The following CDH18 variants were observed in gnomAD, a reference collection of about 807,000 sequenced individuals.
CDH18 encodes cadherin 18.
A neutral mutation model predicts 67.9 loss-of-function variants in CDH18; 31 were observed. The observed-to-expected ratio is 0.46, with a 90% CI of 0.34 to 0.62. CDH18 has a LOEUF of 0.62. CDH18 is among the 20% of genes least tolerant of loss of function. The pLI, the probability that CDH18 is intolerant of heterozygous loss-of-function variation, is 0.01. For synonymous variants in CDH18, 362 were observed against 347.2 expected, an observed-to-expected ratio of 1.04 and a Z score of -0.48; for missense variants, 890 against 975.5, an observed-to-expected ratio of 0.91 and a Z score of 1.17.
intron 11 of CDH18, among the ~76,000 whole-genome samples, chr5:19,496,489 A>G (rs1425377524): frequency 3.3e-5 from 5 of 152,162 alleles, no homozygotes; most frequent in Admixed American, 3.3e-4. Context: ...TGAGAGCTCC[A>G]GTCCCATGAA....
intron 7 of CDH18, among the ~76,000 whole-genome samples, chr5:19,575,826 T>C (rs1444709603): frequency 6.6e-6 from 1 of 152,098 alleles, no homozygotes; most frequent in African/African-American, 2.4e-5. Context: ...ATTCCTCACT[T>C]TTTTCAGTTT....
At chr5:19,810,834 C>A (rs1778557958) in intron 3 of CDH18, among the ~76,000 whole-genome samples, 1 of 151,716 alleles carries the variant, frequency 6.6e-6, no homozygotes, top group African/African-American at 2.4e-5. Flanking sequence ...ACTAGCCTGG[C>A]CAAACTGGTG....
intron 2 of CDH18, among the ~76,000 whole-genome samples, chr5:20,053,263 A>AC (rs1741597298): frequency 6.6e-6 from 1 of 151,168 alleles, no homozygotes; most frequent in African/African-American, 2.4e-5. Flanking sequence ...GTCCATATAT[A>AC]CATATAGTAT....
At chr5:19,500,216 T>C (rs549559859) in intron 11 of CDH18, among the ~76,000 whole-genome samples, 11 of 152,250 alleles carry the variant, frequency 7.2e-5, no homozygotes, top group South Asian at 2.1e-4. Flanking sequence ...CCAGAGTACA[T>C]GAATAAATAT....
chr5:19,571,829 G>T lies in CDH18; in HGVS notation c.1003C>A (p.Leu335Met). 6.2e-7 allele frequency: 1 copy of T among 1,606,176 alleles called. No individual in the cohort carries two copies. Among genetic ancestry groups the T allele is most frequent in the South Asian group, 1.1e-5 (1 of 90,260 alleles). The change falls in exon 8 of 13, where the codon CTG (leucine) becomes ATG (methionine). Residue 335 changes from leucine to methionine, a missense_variant. Around this residue, in one of 2 missense-constraint regions of CDH18, gnomAD observed 656 missense variants for 668.1 expected, o/e 0.98. Coordinates refer to ENST00000382275, the MANE Select transcript of CDH18 (RefSeq NM_004934.5). ...TATGACTTCTTTTTCTCATAGTTCA[G>T]TGGCTGTGGGGAAAAAAAATAAGAT... ...REGILSLKKP[L>M]NYEKKKSYTL...
chr5:20,309,438 A>G (rs149514796), intron 1 of CDH18, among the ~76,000 whole-genome samples: 63 of 152,332 alleles, frequency 4.1e-4, no homozygotes, highest in African/African-American at 1.5e-3. Context: ...TACTAACAAC[A>G]ATAACAAAAG....
intron 1 of CDH18, among the ~76,000 whole-genome samples, chr5:20,468,347 G>T (rs1751811766): frequency 6.6e-6 from 1 of 152,110 alleles, no homozygotes; most frequent in Admixed American, 6.6e-5. Flanking sequence ...TACATTTAAA[G>T]TACATTCCTC....
intron 5 of CDH18, among the ~76,000 whole-genome samples, chr5:19,660,290 A>G (rs1009522502): frequency 6.6e-6 from 1 of 152,146 alleles, no homozygotes; most frequent in Non-Finnish European, 1.5e-5. Context: ...AAGTAGTTTT[A>G]AAATGTAACT....
intron 1 of CDH18, among the ~76,000 whole-genome samples, chr5:20,368,822 T>G (rs1293015968): frequency 6.6e-6 from 1 of 152,196 alleles, no homozygotes; most frequent in East Asian, 1.9e-4. Flanking sequence ...ATAAATTCAT[T>G]GCCCTCCATC....
At chr5:20,418,664 T>A (rs868607926) in intron 1 of CDH18, among the ~76,000 whole-genome samples, 8 of 152,260 alleles carry the variant, frequency 5.3e-5, no homozygotes, top group Middle Eastern at 3.4e-3. Context: ...AATAATTTTT[T>A]TGTACAATTA....
intron 6 of CDH18, among the ~76,000 whole-genome samples, chr5:19,596,060 T>A (rs934240186): frequency 6.6e-5 from 10 of 152,302 alleles, no homozygotes; most frequent in Admixed American, 6.5e-5. Context: ...TCACAGTTGA[T>A]TGGTGAAGGG....
chr5:19,919,163 T>A (rs188545926), intron 2 of CDH18, among the ~76,000 whole-genome samples: 41 of 152,164 alleles, frequency 2.7e-4, no homozygotes, highest in African/African-American at 9.4e-4. Context: ...AGAAGGGAGC[T>A]GCACCCCCAC....
intron 1 of CDH18, among the ~76,000 whole-genome samples, chr5:20,546,687 A>G (rs1757363385): frequency 6.6e-6 from 1 of 151,988 alleles, no homozygotes; most frequent in African/African-American, 2.4e-5. Flanking sequence ...ATATGTGGGG[A>G]TTACAATTCA....
chr5:20,571,210 G>C (rs1473359541), intron 1 of CDH18, among the ~76,000 whole-genome samples: 1 of 152,042 alleles, frequency 6.6e-6, no homozygotes, highest in Non-Finnish European at 1.5e-5. Flanking sequence ...TAGAAAACAT[G>C]AATATATCCC....
intron 5 of CDH18, among the ~76,000 whole-genome samples, chr5:19,663,266 A>G (rs1449356298): frequency 6.6e-6 from 1 of 151,988 alleles, no homozygotes; most frequent in Non-Finnish European, 1.5e-5. Context: ...GCAAAATTCT[A>G]TTTTTAAAGT....
upstream of CDH18, among the ~76,000 whole-genome samples, chr5:19,991,661 T>A (rs1201060935): frequency 6.6e-6 from 1 of 152,032 alleles, no homozygotes; most frequent in African/African-American, 2.4e-5. Context: ...TGAAAGATGA[T>A]CTAATTTAGT....
In CDH18 at chr5:19,669,229, TTAAC is replaced by T. The variant is rs1339177093; in HGVS notation, c.643+52114_643+52117del. 2.7e-5 allele frequency among the ~76,000 whole-genome samples: 4 copies of T among 147,002 alleles called. No individual in the cohort carries two copies. The South Asian group carries it at 6.3e-4, about 23-fold the overall frequency. On this transcript the variant is annotated intron_variant, in intron 5 of 12. Coordinates refer to ENST00000382275, the MANE Select transcript of CDH18 (RefSeq NM_004934.5). ...TAATATAATTATATATAATATATGT[TTAAC>T]TATATGATATATATTATATATAAAA...
intron 2 of CDH18, among the ~76,000 whole-genome samples, chr5:20,135,283 A>G (rs956868928): frequency 2.0e-5 from 3 of 152,074 alleles, no homozygotes; most frequent in Non-Finnish European, 4.4e-5. Context: ...TTATTTGTCT[A>G]TTCAGGGATT....
At chr5:20,193,634 G>A (rs116060826) in intron 2 of CDH18, among the ~76,000 whole-genome samples, 2,127 of 152,118 alleles carry the variant, frequency 0.014, 63 homozygotes, top group African/African-American at 0.049. Flanking sequence ...AAATCGGGAA[G>A]AGACACAACA....
Sources: allele counts gnomAD v4.1 joint callset (sites outside exome capture counted in the v4.1 genomes callset), GRCh38; gene constraint gnomAD v4.1.1; regional missense constraint gnomAD v4.1.1; transcripts MANE v1.5; gene names NCBI Gene and HGNC (gene_info 2026-07-23, HGNC 2026-07-21).